The following MAST2 variants were observed in gnomAD, a reference collection of about 807,000 sequenced individuals.
MAST2 encodes the protein microtubule associated serine/threonine kinase 2.
MAST2 carries 70 observed loss-of-function variants against 147.4 expected under a neutral mutation model. The ratio of observed to expected loss-of-function variants is 0.47; its 90% CI spans 0.39 to 0.58. The LOEUF (loss-of-function observed/expected upper bound fraction) is 0.58, where lower values mean the gene tolerates loss of function less well. Ranked by LOEUF, MAST2 falls within the 20% of genes least tolerant of loss-of-function variation. The probability of loss-of-function intolerance (pLI) is 0.00; values close to 1 mark genes in which losing one functional copy is unlikely to be tolerated. For synonymous variants in MAST2, 869 were observed against 896.8 expected, an observed-to-expected ratio of 0.97 and a Z score of 0.55; for missense variants, 2,080 against 2,302.3, an observed-to-expected ratio of 0.90 and a Z score of 1.98.
chr1:46,003,789 CA>C (rs1488626648), intron 7 of MAST2, among the ~76,000 whole-genome samples: 3 of 152,154 alleles, frequency 2.0e-5, no homozygotes, highest in African/African-American at 7.2e-5. Flanking sequence ...ATTAAAACCA[CA>C]GTGACAAGGT....
chr1:46,002,267 C>T (rs1278494218), intron 6 of MAST2, among the ~76,000 whole-genome samples: 1 of 152,128 alleles, frequency 6.6e-6, no homozygotes. Context: ...CAGACATTCC[C>T]AAATATTGGT....
At chr1:45,941,361 G>T (rs1570839199) in intron 4 of MAST2, among the ~76,000 whole-genome samples, 1 of 152,152 alleles carries the variant, frequency 6.6e-6, no homozygotes, top group African/African-American at 2.4e-5. Context: ...CTGGATTCAG[G>T]TGATTCTCCT....
At position 45,938,911 on chromosome 1, in the gene MAST2, T is replaced by C. The variant is rs564287579; in HGVS notation, c.501-20475T>C. Among the ~76,000 whole-genome samples, 10 of 152,322 alleles carry C rather than the reference T, an allele frequency of 6.6e-5. No individual in the cohort carries two copies. The East Asian group carries it at 1.3e-3, about 21-fold the overall frequency. ...ATTTAAAAAATCTGTTCGTTTTTTT[T>C]TTAAATATTGAGCCTTGAGTTCTTT... On this transcript the variant is annotated intron_variant, in intron 4 of 28. Transcript: ENST00000361297.
intron 3 of MAST2, chr1:45,846,896 A>C (rs1645456400): frequency 1.0e-5 from 2 of 196,554 alleles, no homozygotes; most frequent in African/African-American, 4.8e-5. Flanking sequence ...AGAGAATGTC[A>C]ACATCAAATT....
At chr1:45,959,959 C>T (rs149567954) in intron 5 of MAST2, among the ~76,000 whole-genome samples, 119 of 152,208 alleles carry the variant, frequency 7.8e-4, no homozygotes, top group African/African-American at 2.4e-3. Context: ...TAAATAGAAA[C>T]GAGGTCTCTC....
chr1:45,849,621 G>T (rs538869741), intron 3 of MAST2, among the ~76,000 whole-genome samples: 1 of 151,916 alleles, frequency 6.6e-6, no homozygotes, highest in Non-Finnish European at 1.5e-5. Context: ...CCACCTCCCA[G>T]GTTCACACCA....
At chr1:45,893,732 A>G (rs1648256878) in intron 4 of MAST2, among the ~76,000 whole-genome samples, 1 of 152,180 alleles carries the variant, frequency 6.6e-6, no homozygotes, top group African/African-American at 2.4e-5. Flanking sequence ...TAATCATACA[A>G]TAACTAGAAT....
At chr1:46,029,305 G>GA in intron 18 of MAST2, 161 bp from the exon 19 acceptor site, 2 of 597,910 alleles carry the variant, frequency 3.3e-6, no homozygotes, top group Non-Finnish European at 6.0e-6. Flanking sequence ...TATGGTCTAG[G>GA]AACCTATAGA....
In MAST2 at chr1:46,034,889, C is replaced by A. The variant is rs746359991; in HGVS notation, c.4220C>A (p.Ser1407Ter). Residue 1407 changes from serine (S) to a stop codon, truncating the protein, a stop_gained, in exon 29 of 29, where the codon TCG becomes TAG. Coordinates refer to ENST00000361297, the MANE Select transcript of MAST2 (RefSeq NM_015112.3). LOFTEE classifies it low-confidence loss of function (END_TRUNC). ...PRSPLLKRVQ[S>*]AEKLAAALAA... ...TCACCACTACTCAAGAGGGTGCAGT[C>A]GGCTGAGAAACTGGCAGCAGCACTT... 15 of 1,614,086 alleles carry A rather than the reference C, an allele frequency of 9.3e-6. 1 individual carries two copies. In the Admixed American group the frequency reaches 2.5e-4, roughly 27 times the overall value.
At chr1:45,988,648 C>T (rs1231008331) in intron 5 of MAST2, among the ~76,000 whole-genome samples, 1 of 152,084 alleles carries the variant, frequency 6.6e-6, no homozygotes, top group African/African-American at 2.4e-5. Flanking sequence ...ACTGATCTTC[C>T]CATTTATTTA....
intron 3 of MAST2, among the ~76,000 whole-genome samples, chr1:45,860,318 AG>A (rs34908920): frequency 0.34 from 50,318 of 149,218 alleles, 8,794 homozygotes; most frequent in African/African-American, 0.43. Context: ...TGGGAGACAG[AG>A]GTTGGAGTGA....
intron 3 of MAST2, among the ~76,000 whole-genome samples, chr1:45,838,215 C>CTTTTTTT (rs61696475): frequency 4.1e-5 from 4 of 97,988 alleles, no homozygotes; most frequent in Non-Finnish European, 5.9e-5. Flanking sequence ...TATATATATT[C>CTTTTTTT]TTTTTTTTTT....
At chr1:45,854,701 A>G (rs918606476) in intron 3 of MAST2, among the ~76,000 whole-genome samples, 5 of 152,112 alleles carry the variant, frequency 3.3e-5, no homozygotes, top group Non-Finnish European at 7.4e-5. Context: ...CTGACACCAC[A>G]TTTATGGGTT....
At chr1:45,830,217 T>G (rs1644913873) in intron 3 of MAST2, among the ~76,000 whole-genome samples, 1 of 148,498 alleles carries the variant, frequency 6.7e-6, no homozygotes, top group African/African-American at 2.5e-5. Context: ...GAGTCTCACT[T>G]TGTTGCCCAG....
chr1:45,967,708 T>C (rs1291785964), intron 5 of MAST2, among the ~76,000 whole-genome samples: 2 of 151,816 alleles, frequency 1.3e-5, no homozygotes, highest in Admixed American at 1.3e-4. Flanking sequence ...GATGCAGGAG[T>C]GGCAGGCATA....
rs116275627 is a variant in MAST2 at position 45,871,300 on chromosome 1, A to G, written c.469-11064A>G. Among the ~76,000 whole-genome samples the G allele has an allele frequency of 2.9e-3, 439 of 151,952 alleles. 3 individuals carry two copies. Among genetic ancestry groups the G allele is most frequent in the East Asian group, 0.02 (103 of 5,170 alleles). On this transcript the variant is annotated intron_variant, in intron 3 of 28. Coordinates refer to ENST00000361297, the MANE Select transcript of MAST2 (RefSeq NM_015112.3). ...TCTATTTCTACTGGTGTGTTAGAACAAATTCAAACTTTAACCCCCTCCTGA... is the reference window on the plus strand; with the variant it reads ...TCTATTTCTACTGGTGTGTTAGAACGAATTCAAACTTTAACCCCCTCCTGA...
intron 4 of MAST2, among the ~76,000 whole-genome samples, chr1:45,899,053 G>A (rs982294862): frequency 3.9e-5 from 6 of 152,046 alleles, no homozygotes; most frequent in Non-Finnish European, 8.8e-5. Flanking sequence ...TTCTACCATT[G>A]TTCAATTCTT....
At chr1:45,987,512 G>T (rs552163186) in intron 5 of MAST2, among the ~76,000 whole-genome samples, 1 of 152,110 alleles carries the variant, frequency 6.6e-6, no homozygotes, top group African/African-American at 2.4e-5. Flanking sequence ...GGGTCTCATC[G>T]TGTTGCCCAG....
chr1:45,852,532 T>A (rs1354860048), intron 3 of MAST2, among the ~76,000 whole-genome samples: 2 of 150,446 alleles, frequency 1.3e-5, no homozygotes, highest in African/African-American at 4.9e-5. Flanking sequence ...TGGCTAATTT[T>A]TTTTTTTTTT....
Sources: gnomAD v4.1 joint callset for allele counts (sites outside exome capture counted in the v4.1 genomes callset) on GRCh38, gnomAD v4.1.1 for gene constraint, MANE v1.5 for transcripts, NCBI Gene and HGNC (gene_info 2026-07-23, HGNC 2026-07-21) for gene names.